The following TAC4 variants were observed in gnomAD, a reference collection of about 807,000 sequenced individuals.
The protein encoded by TAC4 is tachykinin-4.
TAC4 carries 17 observed loss-of-function variants against 17.7 expected under a neutral mutation model. The ratio of observed to expected loss-of-function variants is 0.96; its 90% confidence interval spans 0.66 to 1.44. TAC4 has a LOEUF of 1.44. Ranked by LOEUF, TAC4 falls within the 40% of genes most tolerant of loss-of-function variation. TAC4 has a pLI of 0.00. For missense variants in TAC4, 118 were observed against 125.6 expected (o/e 0.94, Z 0.29); for synonymous variants, 62 against 52.4 (o/e 1.18, Z -0.79).
rs1329841050 is a variant in TAC4, at chr17:49,847,242, C to T, written c.105+671G>A. On this transcript the variant is annotated intron_variant, in intron 1 of 4. Coordinates refer to ENST00000436235, the MANE Select transcript of TAC4 (RefSeq NM_001077506.2). ...CCCTGAGCACTGGCCTCTTATTTACCCGTCTTTGTCTCTGGCTTGTTGGTA... is the reference window on the plus strand; with the variant it reads ...CCCTGAGCACTGGCCTCTTATTTACTCGTCTTTGTCTCTGGCTTGTTGGTA... The T allele has an allele frequency of 2.3e-6, 3 of 1,289,654 alleles. No homozygotes were observed. In the African/African-American group the frequency reaches 4.6e-5, roughly 20 times the overall value. 79.9% of individuals were successfully genotyped at this position (1,289,654 alleles called of 1,614,324 possible).
chr17:49,842,641 A>T (rs74657304), intron 2 of TAC4, among the ~76,000 whole-genome samples: 2 of 149,638 alleles, frequency 1.3e-5, no homozygotes, highest in East Asian at 1.9e-4. Context: ...TTATATGTGT[A>T]TTTTTTTTTT....
At chr17:49,847,224 C>T (rs769324776) in intron 1 of TAC4, 1 of 1,290,170 alleles carries the variant, frequency 7.8e-7, no homozygotes, top group South Asian at 1.2e-5. Context: ...CTTCCCTGAG[C>T]ACTGGCCTCT....
At chr17:49,847,112 A>G (rs752811007) in intron 1 of TAC4, 1 of 1,289,824 alleles carries the variant, frequency 7.8e-7, no homozygotes, top group South Asian at 1.2e-5. Flanking sequence ...CGAGGACCTC[A>G]TCGTGGCCCA....
intron 1 of TAC4, chr17:49,846,278 ATTT>A (rs11297059): frequency 0.013 from 12,869 of 978,174 alleles, 2 homozygotes; most frequent in East Asian, 0.02. Context: ...CTGTTACCTC[ATTT>A]TTTTTTTTTT....
At chr17:49,845,415 T>A (rs976903393) in intron 1 of TAC4, among the ~76,000 whole-genome samples, 1 of 152,030 alleles carries the variant, frequency 6.6e-6, no homozygotes, top group African/African-American at 2.4e-5. Flanking sequence ...TGAAAGGGAG[T>A]CGCTCCCTAG....
intron 1 of TAC4, chr17:49,846,882 C>T (rs1162606850): frequency 8.8e-7 from 1 of 1,141,836 alleles, no homozygotes; most frequent in Non-Finnish European, 1.1e-6. Flanking sequence ...AAAAGCATAT[C>T]AAAGCTGGAG....
rs558556361 is a variant in TAC4 at position 49,845,155 on chromosome 17, C to G, written c.106-998G>C. 1.3e-4 allele frequency among the ~76,000 whole-genome samples: 20 copies of G among 152,368 alleles called. No individual in the cohort carries two copies. In the East Asian group the frequency reaches 2.7e-3, roughly 21 times the overall value. On this transcript the variant is annotated intron_variant, in intron 1 of 4. Transcript: ENST00000436235. Reference sequence around the variant, plus strand: ...TCCCCACTCACCTCTCTTCCCCAGGCACTTCCCCCATTGTCCCAGATTTTC... The same window carrying G: ...TCCCCACTCACCTCTCTTCCCCAGGGACTTCCCCCATTGTCCCAGATTTTC...
rs1567877127 is a variant in TAC4 at position 49,847,956 on chromosome 17, TCA to T, written c.60_61del (p.Asp21TrpfsTer10). On this transcript the variant is annotated frameshift_variant, in exon 1 of 5. Transcript: ENST00000436235. LOFTEE classifies it high-confidence loss of function. Reference sequence around the variant, plus strand: ...GCTGAGTGTCTGTTCCTCTCCACCATCACCTGCCACAGTGCACACGGACAGCT... The same window carrying T: ...GCTGAGTGTCTGTTCCTCTCCACCATCCTGCCACAGTGCACACGGACAGCT... The T allele has an allele frequency of 6.2e-7, 1 of 1,614,092 alleles. No homozygotes were observed. Among genetic ancestry groups the T allele is most frequent in the South Asian group, 1.1e-5 (1 of 91,086 alleles).
chr17:49,847,670 TACACACACACACACACACACAGACACAC>T (rs1338862398), intron 1 of TAC4: 26 of 426,126 alleles, frequency 6.1e-5, no homozygotes, highest in East Asian at 8.1e-5. Flanking sequence ...AAGTATTTCT[TACACACACACACACACACACAGACACAC>T]ACACACACAC....
At chr17:49,839,706 G>A (rs984671305) in intron 4 of TAC4, 144 bp downstream of exon 4, 13 of 695,830 alleles carry the variant, frequency 1.9e-5, no homozygotes, top group East Asian at 5.9e-5. Context: ...CCTTGCACTC[G>A]ACTGCCTCCC....
chr17:49,838,611 G>A lies in TAC4; in HGVS notation c.*31C>T, dbSNP rs773335695. On this transcript the variant is annotated 3_prime_UTR_variant, in exon 5 of 5. Transcript: ENST00000436235. ...CATCCAGGTAGGAAGAAGCGGCACC[G>A]TGTCCTCTGGGAAGTCTGTGGTGGG... 4 of 1,613,352 alleles carry A rather than the reference G, an allele frequency of 2.5e-6. No homozygotes were observed. The highest frequency in any genetic ancestry group is 1.7e-5 in the Admixed American group (1 of 59,930).
intron 4 of TAC4, 32 bp from the exon 5 acceptor site, chr17:49,838,705 A>T (rs781102692): frequency 6.2e-7 from 1 of 1,607,726 alleles, no homozygotes; most frequent in Admixed American, 1.7e-5. Flanking sequence ...AACCATGGTT[A>T]GTCGGGGGTC....
chr17:49,841,405 C>T (rs2074497110), intron 3 of TAC4, 147 bp downstream of exon 3: 6 of 753,746 alleles, frequency 8.0e-6, no homozygotes, highest in Non-Finnish European at 9.8e-6. Flanking sequence ...CATGGCCAAA[C>T]CACACTGGCC....
intron 4 of TAC4, among the ~76,000 whole-genome samples, chr17:49,838,995 C>A (rs148451489): frequency 6.6e-6 from 1 of 152,092 alleles, no homozygotes; most frequent in African/African-American, 2.4e-5. Flanking sequence ...GCTCTGTTAT[C>A]GGCTCACTGT....
At chr17:49,847,692 GACACACACAC>G (rs150685532) in intron 1 of TAC4, 361 of 434,036 alleles carry the variant, frequency 8.3e-4, no homozygotes, top group Non-Finnish European at 1.2e-3. Context: ...CACACACACA[GACACACACAC>G]ACACACACAC....
Position 49,847,979 on chromosome 17 carries a change from C to G in TAC4, c.39G>C (p.Leu13=). ...PCLALLLLME[L]SVCTVAGDGG... is the part of the protein sequence containing the mutation. ...CATCACCTGCCACAGTGCACACGGA[C>G]AGCTCCATCAGGAGAAGCAGGGCGA... is the stretch of plus-strand genomic sequence containing the variant. The change falls in exon 1 of 5, where the codon CTG becomes CTC. Residue 13 remains leucine (L), a synonymous_variant. Transcript: ENST00000436235. The G allele has an allele frequency of 1.9e-6, 3 of 1,614,224 alleles. No individual in the cohort carries two copies. The highest frequency in any genetic ancestry group is 2.5e-6 in the Non-Finnish European group (3 of 1,180,034).
At chr17:49,842,939 T>C (rs1310267532) in intron 2 of TAC4, among the ~76,000 whole-genome samples, 1 of 152,262 alleles carries the variant, frequency 6.6e-6, no homozygotes, top group Non-Finnish European at 1.5e-5. Context: ...TCTATGGGTC[T>C]GCCTCATTCT....
At chr17:49,840,129 C>T (rs1187109392) in intron 3 of TAC4, among the ~76,000 whole-genome samples, 3 of 152,254 alleles carry the variant, frequency 2.0e-5, no homozygotes, top group African/African-American at 7.2e-5. Flanking sequence ...TCCCCCTCCT[C>T]CATTCTCCCT....
intron 1 of TAC4, among the ~76,000 whole-genome samples, 197 bp from the exon 2 acceptor site, chr17:49,844,354 C>T (rs1398739264): frequency 6.6e-6 from 1 of 152,114 alleles, no homozygotes; most frequent in Non-Finnish European, 1.5e-5. Flanking sequence ...CTACTATGTT[C>T]TGAGCACGTT....
Sources: gnomAD v4.1 joint callset for allele counts (sites outside exome capture counted in the v4.1 genomes callset) on GRCh38, gnomAD v4.1.1 for gene constraint, MANE v1.5 for transcripts, NCBI Gene and HGNC (gene_info 2026-07-23, HGNC 2026-07-21) for gene names.